The following SULT2A1 variants were observed in gnomAD, a reference collection of about 807,000 sequenced individuals.
The protein encoded by SULT2A1 is sulfotransferase 2A1.
A neutral mutation model predicts 33.9 loss-of-function variants in SULT2A1; 43 were observed. That is an observed-to-expected ratio of 1.27 (90% confidence interval 1.00 to 1.64). The LOEUF is 1.64. Ranked by LOEUF, SULT2A1 falls within the 40% of genes most tolerant of loss-of-function variation. The probability of loss-of-function intolerance (pLI) is 0.00; values close to 1 mark genes in which losing one functional copy is unlikely to be tolerated. For synonymous variants in SULT2A1, 125 were observed against 113.6 expected, an observed-to-expected ratio of 1.10 and a Z score of -0.64; for missense variants, 300 against 335.1, an observed-to-expected ratio of 0.90 and a Z score of 0.82.
Position 47,871,575 on chromosome 19 carries a change from CAAG to C in SULT2A1, c.746-11_746-9del. On this transcript the variant is annotated splice_polypyrimidine_tract_variant and intron_variant, in intron 5 of 5. Transcript: ENST00000222002. The stretch of plus-strand genomic sequence containing the variant: ...TCCAGTCCCCAGATACACCTGGAAA[CAAG>C]AAGCAGAAACTCAGGTCAGACCACA... The C allele has an allele frequency of 6.3e-7, 1 of 1,598,384 alleles. No homozygotes were observed.
At position 47,871,403 on chromosome 19, in the gene SULT2A1, G is replaced by C; in HGVS notation, c.*52C>G. The stretch of plus-strand genomic sequence containing the variant: ...TGACCCCAGTCAGGTACATGTACAA[G>C]GACAGGAGAATCAATGTCATTCTCC... On this transcript the variant is annotated 3_prime_UTR_variant, in exon 6 of 6. Transcript: ENST00000222002. 1 of 1,343,752 alleles carries C rather than the reference G, an allele frequency of 7.4e-7. No homozygotes were observed. The highest frequency in any genetic ancestry group is 1.1e-6 in the Non-Finnish European group (1 of 934,140). The allele number at this position is 1,343,752 out of a possible 1,614,324, so 83.2% of individuals were successfully genotyped here.
intron 4 of SULT2A1, among the ~76,000 whole-genome samples, chr19:47,878,040 C>G (rs1165269414): frequency 2.0e-5 from 3 of 152,218 alleles, no homozygotes; most frequent in South Asian, 2.1e-4. Flanking sequence ...ATCACTTCTA[C>G]CCAGTCCCAT....
intron 2 of SULT2A1, 86 bp from the exon 3 acceptor site, chr19:47,882,296 T>C: frequency 1.3e-6 from 2 of 1,491,896 alleles, no homozygotes; most frequent in Non-Finnish European, 1.8e-6. Flanking sequence ...AAAAAGCCAA[T>C]TCCTGGATAA....
intron 4 of SULT2A1, among the ~76,000 whole-genome samples, chr19:47,877,897 C>T (rs1367973386): frequency 6.6e-6 from 1 of 152,196 alleles, no homozygotes; most frequent in African/African-American, 2.4e-5. Flanking sequence ...CATCGGACAG[C>T]TTTTCCTCTC....
At chr19:47,885,190 G>A (rs934624886) in intron 1 of SULT2A1, among the ~76,000 whole-genome samples, 9 of 152,108 alleles carry the variant, frequency 5.9e-5, no homozygotes, top group Admixed American at 2.6e-4. Context: ...AATCTCCAGA[G>A]GATTTTTGTG....
intron 5 of SULT2A1, 56 bp downstream of exon 5, chr19:47,874,601 T>C (rs1430094760): frequency 9.8e-6 from 12 of 1,230,110 alleles, no homozygotes; most frequent in African/African-American, 6.2e-5. Flanking sequence ...GTTGTGACCA[T>C]AGGCATGCAT....
intron 1 of SULT2A1, among the ~76,000 whole-genome samples, chr19:47,884,594 G>T (rs189276579): frequency 6.7e-6 from 1 of 150,234 alleles, no homozygotes; most frequent in Non-Finnish European, 1.5e-5. Context: ...CTTGTACTTC[G>T]GCCTCCTGCT....
intron 1 of SULT2A1, 133 bp downstream of exon 1, chr19:47,885,989 A>G: frequency 2.7e-6 from 3 of 1,104,524 alleles, no homozygotes; most frequent in Middle Eastern, 2.1e-4. Context: ...CTGATTGTCA[A>G]TGGTATTAGG....
intron 3 of SULT2A1, 110 bp downstream of exon 3, chr19:47,881,974 G>A: frequency 1.4e-6 from 2 of 1,437,672 alleles, no homozygotes; most frequent in East Asian, 2.3e-5. Flanking sequence ...CTCCAGGGGT[G>A]GTGGAGCCTT....
chr19:47,880,166 G>C (rs1391610503), intron 3 of SULT2A1, among the ~76,000 whole-genome samples: 1 of 150,052 alleles, frequency 6.7e-6, no homozygotes, highest in Non-Finnish European at 1.5e-5. Flanking sequence ...GAACCTGGGA[G>C]GCGGAGCTTG....
intron 4 of SULT2A1, among the ~76,000 whole-genome samples, chr19:47,877,538 C>T (rs1968558527): frequency 6.6e-6 from 1 of 150,880 alleles, no homozygotes; most frequent in African/African-American, 2.4e-5. Context: ...CCGTGCCCAG[C>T]CTTCTTTTTC....
At chr19:47,880,142 C>T (rs372565413) in intron 3 of SULT2A1, among the ~76,000 whole-genome samples, 8 of 131,942 alleles carry the variant, frequency 6.1e-5, no homozygotes, top group East Asian at 5.2e-4. Flanking sequence ...GAGGCTGAGG[C>T]GGGAGAATGG....
intron 2 of SULT2A1, among the ~76,000 whole-genome samples, chr19:47,882,938 T>G (rs922072908): frequency 6.6e-6 from 1 of 151,854 alleles, no homozygotes; most frequent in African/African-American, 2.4e-5. Context: ...ATAATAATAA[T>G]TCACACACCT....
At chr19:47,883,830 C>A in intron 1 of SULT2A1, 45 bp from the exon 2 acceptor site, 3 of 1,572,034 alleles carry the variant, frequency 1.9e-6, no homozygotes, top group East Asian at 2.3e-5. Flanking sequence ...CCATCTCAGC[C>A]GGACATGGTG....
chr19:47,877,696 C>T (rs1968560384), intron 4 of SULT2A1, among the ~76,000 whole-genome samples: 1 of 151,834 alleles, frequency 6.6e-6, no homozygotes, highest in Non-Finnish European at 1.5e-5. Context: ...ACTACAGGTG[C>T]CTGCCACCAT....
intron 4 of SULT2A1, 135 bp downstream of exon 4, chr19:47,878,901 G>A (rs1406232442): frequency 3.6e-5 from 25 of 703,054 alleles, no homozygotes; most frequent in Admixed American, 9.7e-5. Context: ...AGTTAATCCT[G>A]CTCTTTGTGA....
chr19:47,877,872 G>A (rs1036415360), intron 4 of SULT2A1, among the ~76,000 whole-genome samples: 44 of 152,206 alleles, frequency 2.9e-4, no homozygotes, highest in African/African-American at 1.0e-3. Context: ...TTCAATACTT[G>A]CTGGTTCTGA....
intron 4 of SULT2A1, among the ~76,000 whole-genome samples, chr19:47,876,063 T>C (rs1171047025): frequency 6.6e-6 from 1 of 152,234 alleles, no homozygotes; most frequent in Non-Finnish European, 1.5e-5. Flanking sequence ...TCGCCCAGGC[T>C]GGAGTGCAGT....
At chr19:47,881,468 A>T (rs978831174) in intron 3 of SULT2A1, among the ~76,000 whole-genome samples, 1 of 152,120 alleles carries the variant, frequency 6.6e-6, no homozygotes, top group Non-Finnish European at 1.5e-5. Context: ...CACCGCGCCC[A>T]GCCAGAAAGG....
Sources: gnomAD v4.1 joint callset for allele counts (sites outside exome capture counted in the v4.1 genomes callset) on GRCh38, gnomAD v4.1.1 for gene constraint, MANE v1.5 for transcripts, NCBI Gene and HGNC (gene_info 2026-07-23, HGNC 2026-07-21) for gene names.